STAG1: variants seen among roughly 807,000 people sequenced by gnomAD.
STAG1 encodes STAG1 cohesin complex component.
In STAG1, 26 loss-of-function variants were observed where a neutral mutation model predicts 170.9. The ratio of observed to expected loss-of-function variants is 0.15; its 90% CI spans 0.11 to 0.21. The LOEUF is 0.21. STAG1 is among the 10% of genes least tolerant of loss of function. The pLI is 1.00. For synonymous variants in STAG1, 514 were observed against 497.7 expected (o/e 1.03, Z -0.44); for missense variants, 964 against 1,509.5 (o/e 0.64, Z 5.99).
At chr3:136,358,574 TATA>T (rs1936742942) in intron 27 of STAG1, among the ~76,000 whole-genome samples, 1 of 152,226 alleles carries the variant, frequency 6.6e-6, no homozygotes, top group Non-Finnish European at 1.5e-5. Flanking sequence ...CAAAAAATTC[TATA>T]ATAATTATTT....
intron 5 of STAG1, among the ~76,000 whole-genome samples, chr3:136,565,147 A>G (rs916056687): frequency 7.9e-5 from 12 of 151,082 alleles, no homozygotes; most frequent in Admixed American, 5.9e-4. Flanking sequence ...AGAGAAAGGA[A>G]AGAGAAGGGA....
chr3:136,547,881 T>C (rs1409359945), intron 5 of STAG1, among the ~76,000 whole-genome samples: 1 of 152,110 alleles, frequency 6.6e-6, no homozygotes, highest in Non-Finnish European at 1.5e-5. Context: ...CCATTTTGAG[T>C]TGATTTTTGA....
intron 1 of STAG1, among the ~76,000 whole-genome samples, chr3:136,644,438 C>T (rs1940921856): frequency 6.6e-6 from 1 of 152,162 alleles, no homozygotes; most frequent in Non-Finnish European, 1.5e-5. Flanking sequence ...CCAGGGATGC[C>T]TCTGATCAGG....
At chr3:136,421,841 G>GA (rs35393166) in intron 19 of STAG1, among the ~76,000 whole-genome samples, 57,191 of 151,870 alleles carry the variant, frequency 0.38, 13,430 homozygotes, top group East Asian at 0.81. Flanking sequence ...AATGAGTTAG[G>GA]AAAAATTAGA....
intron 22 of STAG1, among the ~76,000 whole-genome samples, chr3:136,384,383 T>C (rs911497215): frequency 6.7e-6 from 1 of 149,328 alleles, no homozygotes; most frequent in Non-Finnish European, 1.5e-5. Context: ...CTTGGAGGTG[T>C]AGGTTACAGA....
chr3:136,452,653 T>A (rs534657953), intron 13 of STAG1, among the ~76,000 whole-genome samples: 1 of 152,064 alleles, frequency 6.6e-6, no homozygotes, highest in East Asian at 1.9e-4. Context: ...ATCTGAACAA[T>A]GTCCTACAGG....
intron 14 of STAG1, among the ~76,000 whole-genome samples, chr3:136,445,015 C>G (rs2088737712): frequency 6.7e-6 from 1 of 150,272 alleles, no homozygotes; most frequent in Non-Finnish European, 1.5e-5. Flanking sequence ...AGTGTGCTAC[C>G]CCGCCTGGCT....
At chr3:136,433,711 TG>T (rs1559798820) in intron 15 of STAG1, 52 bp from the exon 16 acceptor site, 1 of 1,249,922 alleles carries the variant, frequency 8.0e-7, no homozygotes. Context: ...ACAACAACCA[TG>T]TATTAAAAAT....
intron 20 of STAG1, among the ~76,000 whole-genome samples, chr3:136,420,244 C>CAAA (rs71157379): frequency 5.4e-5 from 2 of 36,932 alleles, no homozygotes; most frequent in African/African-American, 1.1e-4. Flanking sequence ...GAGACTCTGT[C>CAAA]AAAAAAAAAA....
chr3:136,686,877 G>GA (rs1234463505), intron 1 of STAG1, among the ~76,000 whole-genome samples: 2 of 152,186 alleles, frequency 1.3e-5, no homozygotes, highest in African/African-American at 4.8e-5. Context: ...TTTAGCAAGA[G>GA]AATCTAGTGA....
At chr3:136,347,357 C>T (rs1216902121) in intron 29 of STAG1, among the ~76,000 whole-genome samples, 2 of 134,918 alleles carry the variant, frequency 1.5e-5, no homozygotes, top group Non-Finnish European at 3.1e-5. Context: ...GATCACACCA[C>T]TGCACTCCAG....
At chr3:136,732,549 G>A (rs753293686) in intron 1 of STAG1, among the ~76,000 whole-genome samples, 1 of 152,130 alleles carries the variant, frequency 6.6e-6, no homozygotes, top group Non-Finnish European at 1.5e-5. Flanking sequence ...AGCAGAACAC[G>A]CTGGTGATAA....
chr3:136,734,196 T>C lies in STAG1; in HGVS notation c.-84+17999A>G, dbSNP rs186857487. Reference sequence around the variant, plus strand: ...AGTTTGTACTGTCTCTGCTAAAGAATAGGGGCTGACTACCTCTCAGTGCCC... The same window carrying C: ...AGTTTGTACTGTCTCTGCTAAAGAACAGGGGCTGACTACCTCTCAGTGCCC... On this transcript the variant is annotated intron_variant, in intron 1 of 33. Transcript: ENST00000383202. Among the ~76,000 whole-genome samples the C allele has an allele frequency of 1.7e-3, 258 of 151,130 alleles. 1 individual carries two copies. The highest frequency in any genetic ancestry group is 5.2e-3 in the African/African-American group (215 of 41,266).
chr3:136,340,732 C>T, intron 31 of STAG1, 127 bp from the exon 32 acceptor site: 2 of 613,094 alleles, frequency 3.3e-6, no homozygotes, highest in South Asian at 4.2e-5. Flanking sequence ...ACAGACTACA[C>T]AAATTAGACT....
chr3:136,359,370 A>T (rs956242839), intron 26 of STAG1, 74 bp from the exon 27 acceptor site: 10 of 1,094,604 alleles, frequency 9.1e-6, no homozygotes, highest in East Asian at 5.2e-5. Context: ...ATAGGTAATT[A>T]AAAAATATGT....
intron 6 of STAG1, among the ~76,000 whole-genome samples, chr3:136,531,934 G>C (rs1024260529): frequency 6.8e-6 from 1 of 148,132 alleles, no homozygotes; most frequent in African/African-American, 2.5e-5. Flanking sequence ...AGAGTAGTAA[G>C]GTTTCAAAGT....
In STAG1 at chr3:136,466,878, C is replaced by T. The variant is rs2089478601; in HGVS notation, c.1206-1890G>A. Among the ~76,000 whole-genome samples the T allele has an allele frequency of 3.3e-5, 5 of 152,142 alleles. No homozygotes were observed. In the South Asian group the frequency reaches 8.3e-4, roughly 25 times the overall value. ...ATTCTTCAAGAAAAGAATTTTCAAC[C>T]CAGAATTTCATATGCAGCCAAACTA... is the stretch of plus-strand genomic sequence containing the variant. On this transcript the variant is annotated intron_variant, in intron 12 of 33. Coordinates refer to ENST00000383202, the MANE Select transcript of STAG1 (RefSeq NM_005862.3).
intron 7 of STAG1, among the ~76,000 whole-genome samples, chr3:136,509,391 A>G (rs567022929): frequency 3.0e-4 from 41 of 137,548 alleles, no homozygotes; most frequent in Middle Eastern, 3.7e-3. Flanking sequence ...GACCACTTGG[A>G]AAAAAAAAAA....
intron 3 of STAG1, among the ~76,000 whole-genome samples, chr3:136,622,069 G>A (rs1357026888): frequency 2.0e-5 from 3 of 148,234 alleles, no homozygotes; most frequent in Admixed American, 6.7e-5. Flanking sequence ...AGGCTGAGGC[G>A]GGTGGATCAC....
Sources: allele counts gnomAD v4.1 joint callset (sites outside exome capture counted in the v4.1 genomes callset), GRCh38; gene constraint gnomAD v4.1.1; transcripts MANE v1.5; gene names NCBI Gene and HGNC (gene_info 2026-07-23, HGNC 2026-07-21).